TRAPPC9: variants seen among roughly 807,000 people sequenced by gnomAD.
TRAPPC9 encodes the protein trafficking protein particle complex subunit 9.
A neutral mutation model predicts 124.0 loss-of-function variants in TRAPPC9; 83 were observed. The ratio of observed to expected loss-of-function variants is 0.67; its 90% CI spans 0.56 to 0.80. TRAPPC9 has a LOEUF of 0.80. Among genes scored for constraint, TRAPPC9 ranks in the 30% least tolerant of loss-of-function variants. TRAPPC9 has a pLI of 0.00. For missense variants in TRAPPC9, 1,302 were observed against 1,508.3 expected (o/e 0.86, Z 2.27); for synonymous variants, 638 against 617.5 (o/e 1.03, Z -0.49).
At chr8:139,899,558 G>T (rs73366297) in intron 20 of TRAPPC9, among the ~76,000 whole-genome samples, 5,372 of 152,188 alleles carry the variant, frequency 0.035, 304 homozygotes, top group African/African-American at 0.12. Context: ...AAATCTGCAT[G>T]TAAGTGGACC....
intron 19 of TRAPPC9, among the ~76,000 whole-genome samples, chr8:139,955,358 C>T (rs1043894971): frequency 6.6e-6 from 1 of 152,122 alleles, no homozygotes; most frequent in Admixed American, 6.5e-5. Context: ...CTGTGACACA[C>T]AGCACCAGCC....
chr8:139,849,889 G>A (rs369148366), intron 21 of TRAPPC9, among the ~76,000 whole-genome samples: 6 of 152,214 alleles, frequency 3.9e-5, no homozygotes, highest in African/African-American at 4.8e-5. Context: ...CAGTGTTTCC[G>A]ACCTGAAGGA....
At chr8:140,001,228 G>T (rs1838375280) in intron 18 of TRAPPC9, among the ~76,000 whole-genome samples, 1 of 152,096 alleles carries the variant, frequency 6.6e-6, no homozygotes, top group Non-Finnish European at 1.5e-5. Context: ...ACCAGGGCCT[G>T]TCACGCACAC....
chr8:139,975,720 G>A lies in TRAPPC9; in HGVS notation c.2810+13006C>T, dbSNP rs564835165. On this transcript the variant is annotated intron_variant, in intron 19 of 22. Transcript: ENST00000438773. ...AGCATCAGCATCCAGGCCATGGGACGCCATTTCCCTCCCAACTTCACCCCA... is the reference window on the plus strand; with the variant it reads ...AGCATCAGCATCCAGGCCATGGGACACCATTTCCCTCCCAACTTCACCCCA... Among the ~76,000 whole-genome samples the A allele has an allele frequency of 5.5e-4, 83 of 152,080 alleles. No individual in the cohort carries two copies. In the South Asian group the frequency reaches 8.3e-3, roughly 15 times the overall value.
chr8:140,393,705 A>G (rs890000797), intron 7 of TRAPPC9, among the ~76,000 whole-genome samples: 9 of 152,238 alleles, frequency 5.9e-5, no homozygotes, highest in African/African-American at 1.9e-4. Context: ...TTTCCATATT[A>G]GCCAAAGTCA....
At chr8:140,052,599 T>C (rs1174551031) in intron 17 of TRAPPC9, among the ~76,000 whole-genome samples, 1 of 152,104 alleles carries the variant, frequency 6.6e-6, no homozygotes, top group African/African-American at 2.4e-5. Flanking sequence ...CTGGCCAACA[T>C]GGTGAAACCC....
intron 21 of TRAPPC9, among the ~76,000 whole-genome samples, chr8:139,784,775 T>C (rs991684047): frequency 6.6e-6 from 1 of 151,926 alleles, no homozygotes; most frequent in Non-Finnish European, 1.5e-5. Context: ...GAGACTGGTA[T>C]GTGGAAATCC....
chr8:140,056,949 C>T (rs1842319815), intron 17 of TRAPPC9, among the ~76,000 whole-genome samples: 3 of 152,154 alleles, frequency 2.0e-5, no homozygotes, highest in Admixed American at 2.0e-4. Flanking sequence ...GTATAAAGAA[C>T]TCCTACAACT....
At chr8:140,085,497 C>A (rs1457757697) in intron 17 of TRAPPC9, among the ~76,000 whole-genome samples, 3 of 152,174 alleles carry the variant, frequency 2.0e-5, no homozygotes, top group Non-Finnish European at 4.4e-5. Flanking sequence ...ATGAGAACCA[C>A]CAAAACCTCT....
chr8:139,920,835 G>A (rs1832459022), intron 19 of TRAPPC9, among the ~76,000 whole-genome samples: 1 of 152,234 alleles, frequency 6.6e-6, no homozygotes, highest in Non-Finnish European at 1.5e-5. Flanking sequence ...AAAAGCTGGT[G>A]CATTGACAAA....
At chr8:139,914,787 G>A (rs898805) in intron 19 of TRAPPC9, 27,730 of 152,194 alleles carry the variant, frequency 0.18, 2,549 homozygotes, top group South Asian at 0.23. Flanking sequence ...TCATGCCACC[G>A]CCCTCACCAC....
chr8:139,770,394 G>C (rs1586807674), intron 21 of TRAPPC9, among the ~76,000 whole-genome samples: 1 of 152,366 alleles, frequency 6.6e-6, no homozygotes, highest in East Asian at 1.9e-4. Context: ...TGCAGAGCGG[G>C]GAAGGCTTTG....
chr8:139,847,522 C>G (rs1160021944), intron 21 of TRAPPC9, among the ~76,000 whole-genome samples: 1 of 151,302 alleles, frequency 6.6e-6, no homozygotes, highest in Non-Finnish European at 1.5e-5. Flanking sequence ...GCACCTGCCT[C>G]CCTGGAGGCC....
intron 19 of TRAPPC9, chr8:139,932,579 A>T (rs1198396709): frequency 1.1e-5 from 5 of 452,562 alleles, no homozygotes; most frequent in Non-Finnish European, 2.2e-5. Context: ...CCTGGACAAC[A>T]TGGTGAAACC....
At chr8:139,837,592 A>T (rs573546015) in intron 21 of TRAPPC9, among the ~76,000 whole-genome samples, 1 of 152,272 alleles carries the variant, frequency 6.6e-6, no homozygotes, top group East Asian at 1.9e-4. Context: ...GCAGAGACCC[A>T]TGGAGTGGGA....
At chr8:140,211,997 C>T (rs947136987) in intron 17 of TRAPPC9, among the ~76,000 whole-genome samples, 3 of 152,306 alleles carry the variant, frequency 2.0e-5, no homozygotes, top group African/African-American at 7.2e-5. Flanking sequence ...GTGCCACTTG[C>T]GGAGGAAGGC....
At chr8:140,070,975 T>A (rs10099869) in intron 17 of TRAPPC9, among the ~76,000 whole-genome samples, 51,260 of 151,984 alleles carry the variant, frequency 0.34, 11,014 homozygotes, top group African/African-American at 0.61. Flanking sequence ...TTGGCAGCAC[T>A]CGGCCAGAAG....
At chr8:140,230,949 G>A (rs1267553561) in intron 16 of TRAPPC9, among the ~76,000 whole-genome samples, 1 of 152,124 alleles carries the variant, frequency 6.6e-6, no homozygotes, top group Non-Finnish European at 1.5e-5. Flanking sequence ...CTTTTAGGGG[G>A]TCCCTCTGAC....
rs1281003763 is a variant in TRAPPC9, at chr8:140,311,263, T to C, written c.1607A>G (p.Lys536Arg). ...GLTLPPVPFT[K>R]LPIVRHVKLL... is the part of the protein sequence containing the mutation. Reference sequence around the variant, plus strand: ...CCCATCTCACCTGACGATGGGAAGCTTGGTGAAGGGCACCGGTGGCAGGGT... The same window carrying C: ...CCCATCTCACCTGACGATGGGAAGCCTGGTGAAGGGCACCGGTGGCAGGGT... The change falls in exon 10 of 23, where the codon AAG (lysine) becomes AGG (arginine). Residue 536 changes from lysine to arginine, a missense_variant. Physicochemically the swap from Lys to Arg is conservative, Grantham distance 26. This residue lies in a region of TRAPPC9 where 657 missense variants were observed against 811.2 expected (regional missense o/e 0.81). Coordinates refer to ENST00000438773, the MANE Select transcript of TRAPPC9 (RefSeq NM_001160372.4). The C allele has an allele frequency of 6.2e-7, 1 of 1,612,190 alleles. No individual in the cohort carries two copies. Among genetic ancestry groups the C allele is most frequent in the Non-Finnish European group, 8.5e-7 (1 of 1,179,994 alleles).
Sources: allele counts gnomAD v4.1 joint callset (sites outside exome capture counted in the v4.1 genomes callset), GRCh38; gene constraint gnomAD v4.1.1; regional missense constraint gnomAD v4.1.1; transcripts MANE v1.5; gene names NCBI Gene and HGNC (gene_info 2026-07-23, HGNC 2026-07-21).